BMPER: variants seen among roughly 807,000 people sequenced by gnomAD.
BMPER encodes the protein BMP binding endothelial regulator, also known as BMP-binding endothelial regulator protein.
BMPER carries 45 observed loss-of-function variants against 87.3 expected under a neutral mutation model. The observed-to-expected ratio is 0.52, with a 90% CI of 0.41 to 0.66. The LOEUF (loss-of-function observed/expected upper bound fraction) is 0.66, where lower values mean the gene tolerates loss of function less well. Ranked by LOEUF, BMPER falls within the 30% of genes least tolerant of loss-of-function variation. The pLI is 0.00. For synonymous variants in BMPER, 326 were observed against 316.2 expected, an observed-to-expected ratio of 1.03 and a Z score of -0.33; for missense variants, 784 against 867.5, an observed-to-expected ratio of 0.90 and a Z score of 1.21.
intron 13 of BMPER, among the ~76,000 whole-genome samples, chr7:34,134,273 T>C (rs1220516182): frequency 6.6e-6 from 1 of 152,220 alleles, no homozygotes; most frequent in Non-Finnish European, 1.5e-5. Flanking sequence ...ACCATTTTTA[T>C]GTTCTTTTTT....
chr7:34,143,246 A>G lies in BMPER; in HGVS notation c.1762A>G (p.Met588Val). Residue 588 changes from methionine (M) to valine (V), a missense_variant, in exon 14 of 15, where the codon ATG (methionine) becomes GTG (valine). Transcript: ENST00000649409. ...GTCCTATAGGTCCTGTGTGACAGAC[A>G]TGTGTGAATGTCCAGTCCATAAAAA... ...ATFYRSCVTD[M>V]CECPVHKNCY... 1 of 1,613,986 alleles carries G rather than the reference A, an allele frequency of 6.2e-7. No individual in the cohort carries two copies. Among genetic ancestry groups the G allele is most frequent in the Non-Finnish European group, 8.5e-7 (1 of 1,179,922 alleles).
intron 6 of BMPER, among the ~76,000 whole-genome samples, chr7:33,999,177 G>T (rs1440453469): frequency 1.3e-5 from 2 of 152,204 alleles, no homozygotes; most frequent in Admixed American, 1.3e-4. Flanking sequence ...ATTCAAAATG[G>T]CAGTTTCTAG....
intron 2 of BMPER, among the ~76,000 whole-genome samples, chr7:33,920,936 G>A (rs1343489540): frequency 6.6e-6 from 1 of 152,172 alleles, no homozygotes; most frequent in Non-Finnish European, 1.5e-5. Context: ...TTTACGTAAT[G>A]TTGCTTTCGT....
chr7:33,920,229 A>G (rs1018129170), intron 2 of BMPER, among the ~76,000 whole-genome samples: 2 of 151,986 alleles, frequency 1.3e-5, no homozygotes, highest in African/African-American at 4.8e-5. Flanking sequence ...TTAACAAGTC[A>G]GTGGTTAGAA....
chr7:34,058,248 A>C (rs977713729), intron 10 of BMPER, 85 bp downstream of exon 10: 2 of 1,266,384 alleles, frequency 1.6e-6, no homozygotes, highest in Non-Finnish European at 2.3e-6. Context: ...TCTTCCGAAC[A>C]CAGACTCCAG....
At chr7:34,133,855 G>A (rs190391403) in intron 13 of BMPER, among the ~76,000 whole-genome samples, 4 of 152,274 alleles carry the variant, frequency 2.6e-5, no homozygotes, top group East Asian at 1.9e-4. Context: ...TTGAGTCAGC[G>A]TGTGGAAGCA....
chr7:33,964,174 G>A (rs921327576), intron 3 of BMPER, among the ~76,000 whole-genome samples: 1 of 152,164 alleles, frequency 6.6e-6, no homozygotes, highest in Non-Finnish European at 1.5e-5. Context: ...CCCAAAGAGT[G>A]ATGAGAATGT....
At chr7:34,035,143 TTGAA>T (rs1787629627) in intron 6 of BMPER, among the ~76,000 whole-genome samples, 1 of 152,210 alleles carries the variant, frequency 6.6e-6, no homozygotes, top group Admixed American at 6.5e-5. Flanking sequence ...CATCATGAGT[TTGAA>T]TGAATAGTGC....
intron 3 of BMPER, among the ~76,000 whole-genome samples, chr7:33,957,160 G>A (rs1785166098): frequency 6.6e-6 from 1 of 151,984 alleles, no homozygotes; most frequent in African/African-American, 2.4e-5. Flanking sequence ...GTTCATCACA[G>A]CTTTATTTGT....
chr7:33,955,292 C>T lies in BMPER; in HGVS notation c.320-11187C>T, dbSNP rs541529990. Among the ~76,000 whole-genome samples the T allele has an allele frequency of 2.8e-4, 43 of 152,332 alleles. 1 individual carries two copies. In the South Asian group the frequency reaches 8.9e-3, roughly 32 times the overall value. On this transcript the variant is annotated intron_variant, in intron 3 of 14. Transcript: ENST00000649409. ...GCTTCAAATGTAACAAAGAACCCCT[C>T]TGATCTCATGGCATGAAAGCAGAGG...
intron 7 of BMPER, among the ~76,000 whole-genome samples, chr7:34,048,893 TG>T (rs1562710153): frequency 6.6e-6 from 1 of 152,214 alleles, no homozygotes; most frequent in African/African-American, 2.4e-5. Context: ...TGGACCATGA[TG>T]ACTTTGGGAT....
intron 6 of BMPER, among the ~76,000 whole-genome samples, chr7:34,021,683 C>T (rs1283969569): frequency 1.3e-5 from 2 of 152,028 alleles, no homozygotes. Context: ...CCTTTTCCCA[C>T]TGGCTTATAT....
intron 13 of BMPER, among the ~76,000 whole-genome samples, chr7:34,101,597 C>T (rs934680390): frequency 2.0e-5 from 3 of 152,220 alleles, no homozygotes; most frequent in Admixed American, 2.0e-4. Flanking sequence ...CACAAGAGGC[C>T]AGTGAAAGGC....
intron 5 of BMPER, among the ~76,000 whole-genome samples, chr7:33,971,045 G>A (rs1298689690): frequency 6.6e-6 from 1 of 152,088 alleles, no homozygotes; most frequent in African/African-American, 2.4e-5. Context: ...TGAGGTGAGA[G>A]ATTTTTTTCT....
intron 3 of BMPER, among the ~76,000 whole-genome samples, chr7:33,939,684 C>G (rs903791387): frequency 6.6e-6 from 1 of 152,160 alleles, no homozygotes; most frequent in Non-Finnish European, 1.5e-5. Context: ...TCCCCCTTTG[C>G]TTGGCACTTC....
intron 13 of BMPER, among the ~76,000 whole-genome samples, chr7:34,111,087 T>A (rs939474995): frequency 3.9e-5 from 6 of 152,260 alleles, no homozygotes; most frequent in Non-Finnish European, 8.8e-5. Flanking sequence ...AGATTGATGC[T>A]TAAATTAGTT....
chr7:33,944,179 A>G (rs1213529847), intron 3 of BMPER, among the ~76,000 whole-genome samples: 2 of 151,696 alleles, frequency 1.3e-5, no homozygotes, highest in African/African-American at 4.8e-5. Flanking sequence ...TATTATTATT[A>G]TTATTGAGAC....
At chr7:34,077,103 G>A (rs895578150) in intron 11 of BMPER, among the ~76,000 whole-genome samples, 1 of 152,172 alleles carries the variant, frequency 6.6e-6, no homozygotes, top group South Asian at 2.1e-4. Flanking sequence ...GGGTCCCAAA[G>A]AACTGCCTTG....
intron 13 of BMPER, among the ~76,000 whole-genome samples, chr7:34,126,756 A>G (rs1282180013): frequency 1.3e-5 from 2 of 152,150 alleles, no homozygotes; most frequent in African/African-American, 4.8e-5. Context: ...TTCTTGTTCC[A>G]CATAATACTC....
Sources: gnomAD v4.1 joint callset for allele counts (sites outside exome capture counted in the v4.1 genomes callset) on GRCh38, gnomAD v4.1.1 for gene constraint, MANE v1.5 for transcripts, NCBI Gene and HGNC (gene_info 2026-07-23, HGNC 2026-07-21) for gene names.